The following GLG1 variants were observed in gnomAD, a reference collection of about 807,000 sequenced individuals.
GLG1 encodes the protein golgi glycoprotein 1.
A neutral mutation model predicts 160.5 loss-of-function variants in GLG1; 38 were observed. That is an observed-to-expected ratio of 0.24 (90% CI 0.18 to 0.31). The LOEUF (loss-of-function observed/expected upper bound fraction) is 0.31, where lower values mean the gene tolerates loss of function less well. GLG1 is among the 10% of genes least tolerant of loss of function. The probability of loss-of-function intolerance (pLI) is 1.00; values close to 1 mark genes in which losing one functional copy is unlikely to be tolerated. For missense variants in GLG1, 1,373 were observed against 1,505.2 expected, an observed-to-expected ratio of 0.91 and a Z score of 1.45; for synonymous variants, 644 against 543.4, an observed-to-expected ratio of 1.19 and a Z score of -2.57.
At chr16:74,591,903 C>G (rs544677866) in intron 1 of GLG1, among the ~76,000 whole-genome samples, 149 of 152,256 alleles carry the variant, frequency 9.8e-4, no homozygotes, top group African/African-American at 3.5e-3. Flanking sequence ...TACGTGGGAG[C>G]AGAGTTTTCC....
At position 74,457,901 on chromosome 16, in the gene GLG1, C is replaced by T; in HGVS notation, c.3238G>A (p.Ala1080Thr). 4 of 1,613,852 alleles carry T rather than the reference C, an allele frequency of 2.5e-6. No individual in the cohort carries two copies. The highest frequency in any genetic ancestry group is 3.4e-6 in the Non-Finnish European group (4 of 1,179,828). Residue 1080 changes from alanine to threonine, a missense_variant, in exon 24 of 26, where the codon GCA becomes ACA. Transcript: ENST00000422840. ...ACALDIKHHC[A>T]AITPGRGRQM... is the part of the protein sequence containing the mutation. The stretch of plus-strand genomic sequence containing the variant: ...CGCCCGCGGCCAGGGGTGATGGCTG[C>T]GCAGTGGTGTTTAATGTCCAGGGCA...
At chr16:74,522,424 G>T (rs1168327271) in intron 2 of GLG1, among the ~76,000 whole-genome samples, 2 of 152,222 alleles carry the variant, frequency 1.3e-5, no homozygotes, top group African/African-American at 4.8e-5. Flanking sequence ...CAAGGTACTG[G>T]TATCTCACTG....
At position 74,480,356 on chromosome 16, in the gene GLG1, G is replaced by C; in HGVS notation, c.1712C>G (p.Ala571Gly). 1 of 1,613,368 alleles carries C rather than the reference G, an allele frequency of 6.2e-7. No homozygotes were observed. The highest frequency in any genetic ancestry group is 8.5e-7 in the Non-Finnish European group (1 of 1,179,304). ...PVLYRKCQGD[A>G]SRLCHTHGWN... ...ACCGTGGGTGTGGCAAAGACGAGAAGCGTCTCCCTGGCACTTGCGGTACAG... is the reference window on the plus strand; with the variant it reads ...ACCGTGGGTGTGGCAAAGACGAGAACCGTCTCCCTGGCACTTGCGGTACAG... The change falls in exon 11 of 26, where the codon GCT becomes GGT. Residue 571 changes from alanine (A) to glycine (G), a missense_variant. Physicochemically the swap from Ala to Gly is moderately conservative, Grantham distance 60. Around this residue, in one of 4 missense-constraint regions of GLG1, gnomAD observed 386 missense variants for 388.5 expected, o/e 0.99. Transcript: ENST00000422840.
intron 25 of GLG1, among the ~76,000 whole-genome samples, chr16:74,455,983 C>T (rs1011185840): frequency 1.3e-5 from 2 of 152,172 alleles, no homozygotes; most frequent in African/African-American, 4.8e-5. Context: ...TACCCCTAGC[C>T]CAAGTCTACC....
intron 2 of GLG1, among the ~76,000 whole-genome samples, chr16:74,526,999 G>T (rs938733231): frequency 6.6e-6 from 1 of 152,148 alleles, no homozygotes. Context: ...TAAGGGTCAT[G>T]ATGGCTAAAT....
At chr16:74,594,929 C>T (rs1305137686) in intron 1 of GLG1, among the ~76,000 whole-genome samples, 1 of 152,230 alleles carries the variant, frequency 6.6e-6, no homozygotes, top group Non-Finnish European at 1.5e-5. Context: ...TGGCTCACGC[C>T]TGTAATCCCA....
intron 9 of GLG1, among the ~76,000 whole-genome samples, chr16:74,484,765 A>G (rs778476734): frequency 2.0e-5 from 3 of 152,102 alleles, no homozygotes; most frequent in Non-Finnish European, 4.4e-5. Context: ...GATTCTGTCT[A>G]AAAATAAAAA....
chr16:74,470,142 T>C, intron 15 of GLG1, 69 bp from the exon 16 acceptor site: 1 of 884,752 alleles, frequency 1.1e-6, no homozygotes, highest in Non-Finnish European at 1.9e-6. Context: ...TAGGGCGCAC[T>C]TTTTCATATA....
At chr16:74,518,842 C>T (rs1268556322) in intron 2 of GLG1, among the ~76,000 whole-genome samples, 1 of 152,074 alleles carries the variant, frequency 6.6e-6, no homozygotes, top group Admixed American at 6.6e-5. Flanking sequence ...ACAACAGATG[C>T]TAAAGAGGTT....
intron 1 of GLG1, among the ~76,000 whole-genome samples, chr16:74,546,709 G>T (rs2143679039): frequency 6.6e-6 from 1 of 151,676 alleles, no homozygotes; most frequent in Non-Finnish European, 1.5e-5. Context: ...GTGGTGGCAG[G>T]CACCTGTAAT....
intron 3 of GLG1, among the ~76,000 whole-genome samples, chr16:74,508,208 C>A (rs1388904074): frequency 6.6e-6 from 1 of 150,472 alleles, no homozygotes. Context: ...GGTGTGAGAT[C>A]TATGACTGTT....
At chr16:74,465,614 A>C in intron 19 of GLG1, 62 bp downstream of exon 19, 1 of 1,549,558 alleles carries the variant, frequency 6.5e-7, no homozygotes, top group African/African-American at 1.4e-5. Flanking sequence ...AGTTGCTGCC[A>C]TTGTTTGTGC....
In GLG1 at chr16:74,452,503, T is replaced by A. The variant is rs1295197584; in HGVS notation, c.*664A>T. 2 of 1,027,654 alleles carry A rather than the reference T, an allele frequency of 1.9e-6. No individual in the cohort carries two copies. Among genetic ancestry groups the A allele is most frequent in the Non-Finnish European group, 2.3e-6 (2 of 854,446 alleles). 63.7% of individuals were successfully genotyped at this position (1,027,654 alleles called of 1,614,324 possible). Reference sequence around the variant, plus strand: ...AGAAATACCCATGGCTGTGGGGCTGTGACCAGCAGTGGCTGATTAGGGTGG... The same window carrying A: ...AGAAATACCCATGGCTGTGGGGCTGAGACCAGCAGTGGCTGATTAGGGTGG... On this transcript the variant is annotated 3_prime_UTR_variant, in exon 26 of 26. Coordinates refer to ENST00000422840, the MANE Select transcript of GLG1 (RefSeq NM_001145667.2).
intron 1 of GLG1, among the ~76,000 whole-genome samples, chr16:74,600,913 C>A (rs1451467458): frequency 1.3e-5 from 2 of 152,064 alleles, no homozygotes; most frequent in African/African-American, 2.4e-5. Context: ...TTCTCGATCA[C>A]AACAATCTCA....
intron 2 of GLG1, among the ~76,000 whole-genome samples, chr16:74,520,332 A>C (rs888501773): frequency 1.3e-5 from 2 of 152,040 alleles, no homozygotes; most frequent in African/African-American, 4.8e-5. Context: ...CACATCCTCC[A>C]GGGGCTTTAT....
intron 7 of GLG1, among the ~76,000 whole-genome samples, 193 bp from the exon 8 acceptor site, chr16:74,491,408 T>C (rs996171384): frequency 1.3e-5 from 2 of 152,202 alleles, no homozygotes; most frequent in Non-Finnish European, 2.9e-5. Flanking sequence ...ATATTCAGGC[T>C]TCTCCTGTCA....
chr16:74,484,742 G>A (rs916419082), intron 9 of GLG1, among the ~76,000 whole-genome samples: 1 of 152,072 alleles, frequency 6.6e-6, no homozygotes, highest in African/African-American at 2.4e-5. Flanking sequence ...CTCCAGCCTG[G>A]GCTACAGAGC....
At chr16:74,499,172 G>A (rs2016319308) in intron 4 of GLG1, among the ~76,000 whole-genome samples, 1 of 152,120 alleles carries the variant, frequency 6.6e-6, no homozygotes, top group Non-Finnish European at 1.5e-5. Context: ...TTTATTTATG[G>A]GGTTAATCTG....
At chr16:74,583,646 C>T (rs1009328815) in intron 1 of GLG1, among the ~76,000 whole-genome samples, 1 of 152,206 alleles carries the variant, frequency 6.6e-6, no homozygotes, top group African/African-American at 2.4e-5. Context: ...TCCCAAAGTG[C>T]TGGGATTACA....
Sources: gnomAD v4.1 joint callset for allele counts (sites outside exome capture counted in the v4.1 genomes callset) on GRCh38, gnomAD v4.1.1 for gene constraint, gnomAD v4.1.1 regional missense constraint, MANE v1.5 for transcripts, NCBI Gene and HGNC (gene_info 2026-07-23, HGNC 2026-07-21) for gene names.